The following PRKCQ variants were observed in gnomAD, a reference collection of about 807,000 sequenced individuals.
PRKCQ encodes protein kinase C theta.
Under a neutral mutation model 91.2 loss-of-function variants are expected in PRKCQ, and 41 were observed. The observed-to-expected ratio is 0.45, with a 90% CI of 0.35 to 0.58. The LOEUF (loss-of-function observed/expected upper bound fraction) is 0.58, where lower values mean the gene tolerates loss of function less well. PRKCQ is among the 20% of genes least tolerant of loss of function. The probability of loss-of-function intolerance (pLI) is 0.00; values close to 1 mark genes in which losing one functional copy is unlikely to be tolerated. For synonymous variants in PRKCQ, 307 were observed against 316.9 expected (o/e 0.97, Z 0.33); for missense variants, 673 against 896.5 (o/e 0.75, Z 3.18).
Position 6,511,159 on chromosome 10 carries a change from T to C in PRKCQ, c.154A>G (p.Met52Val), listed in dbSNP as rs1210490127. The C allele has an allele frequency of 1.9e-6, 3 of 1,614,084 alleles. No homozygotes were observed. The highest frequency in any genetic ancestry group is 2.7e-5 in the African/African-American group (2 of 75,022). The change falls in exon 3 of 18, where the codon ATG (methionine) becomes GTG (valine). Residue 52 changes from methionine to valine, a missense_variant. Physicochemically the swap from Met to Val is conservative, Grantham distance 21. Transcript: ENST00000263125. ...AAAGTGCTGTCCCAGGGTGGGTACA[T>C]GGTAGGCTTTTTCTGGATATACATC... ...GQMYIQKKPT[M>V]YPPWDSTFDA...
chr10:6,470,926 CA>C (rs5782901), intron 12 of PRKCQ, among the ~76,000 whole-genome samples: 81,633 of 135,250 alleles, frequency 0.6, 23,228 homozygotes, highest in East Asian at 0.79. Context: ...GAGACTGTCG[CA>C]AAAAAAAAAA....
At chr10:6,486,005 C>T (rs1266394611) in intron 9 of PRKCQ, 30 bp downstream of exon 9, 45 of 1,577,154 alleles carry the variant, frequency 2.9e-5, no homozygotes, top group Non-Finnish European at 3.4e-5. Context: ...GCGGCCATGG[C>T]GGGAACGTGT....
the PRKCQ span, among the ~76,000 whole-genome samples, chr10:6,411,755 A>G: frequency 1.3e-5 from 2 of 152,176 alleles, no homozygotes; most frequent in Non-Finnish European, 2.9e-5. Context: ...CCTGGTACAT[A>G]GTTTACATTA....
chr10:6,539,614 A>T (rs1839705695), intron 1 of PRKCQ, among the ~76,000 whole-genome samples: 1 of 152,096 alleles, frequency 6.6e-6, no homozygotes, highest in Non-Finnish European at 1.5e-5. Context: ...TATATGTTAC[A>T]ATGTAATAAT....
chr10:6,459,437 T>C (rs1835201263), intron 14 of PRKCQ, among the ~76,000 whole-genome samples: 1 of 152,158 alleles, frequency 6.6e-6, no homozygotes, highest in Non-Finnish European at 1.5e-5. Flanking sequence ...AGAGCACACA[T>C]GGTCTGTGAT....
At position 6,523,867 on chromosome 10, in the gene PRKCQ, G is replaced by C. The variant is rs1026960771; in HGVS notation, c.-9-8723C>G. 5.1e-4 allele frequency among the ~76,000 whole-genome samples: 77 copies of C among 152,136 alleles called. 2 individuals are homozygous for C. Among genetic ancestry groups the C allele is most frequent in the Non-Finnish European group, 7.3e-5 (5 of 68,032 alleles). ...TGTTATTTAAAAGCCTCCGTGTATT[G>C]AGTTCAAGTTGCCCCCTTCACACAG... On this transcript the variant is annotated intron_variant, in intron 1 of 17. Coordinates refer to ENST00000263125, the MANE Select transcript of PRKCQ (RefSeq NM_006257.5).
intron 16 of PRKCQ, among the ~76,000 whole-genome samples, chr10:6,436,755 T>C (rs991172560): frequency 3.9e-5 from 6 of 152,234 alleles, no homozygotes; most frequent in Non-Finnish European, 5.9e-5. Context: ...TTTTCATTGC[T>C]GAGTAGGATT....
At chr10:6,533,405 C>T (rs1017317869) in intron 1 of PRKCQ, among the ~76,000 whole-genome samples, 10 of 152,144 alleles carry the variant, frequency 6.6e-5, no homozygotes, top group African/African-American at 2.4e-4. Context: ...CCACGTTGGC[C>T]AGGCTAGTCT....
Position 6,465,789 on chromosome 10 carries a change from G to T in PRKCQ, c.1354-1385C>A, listed in dbSNP as rs1428662892. Among the ~76,000 whole-genome samples the T allele has an allele frequency of 6.6e-6, 1 of 152,234 alleles. No homozygotes were observed. Among genetic ancestry groups the T allele is most frequent in the South Asian group, 2.1e-4 (1 of 4,834 alleles). On this transcript the variant is annotated intron_variant, in intron 12 of 17. Transcript: ENST00000263125. This position sits in a 1 kb window ranked among gnomAD's most constrained non-coding sequence, Gnocchi z 4.4. ...AATTATCTCAATAATCCAGGTCAAGGTAAGCATCCGTCTTTTTTCAATGTT... is the reference window on the plus strand; with the variant it reads ...AATTATCTCAATAATCCAGGTCAAGTTAAGCATCCGTCTTTTTTCAATGTT...
At chr10:6,404,247 AGG>A in the PRKCQ span, among the ~76,000 whole-genome samples, 12 of 57,062 alleles carry the variant, frequency 2.1e-4, no homozygotes, top group African/African-American at 3.2e-4. Context: ...AAGGGAGAGA[AGG>A]GGGGGGGAGA....
intron 1 of PRKCQ, among the ~76,000 whole-genome samples, chr10:6,570,218 G>C (rs1564399241): frequency 6.6e-6 from 1 of 152,092 alleles, no homozygotes; most frequent in Admixed American, 6.6e-5. Flanking sequence ...CATTTCTGAG[G>C]GGTGCAAGAG....
At chr10:6,475,300 A>G (rs1021961953) in intron 12 of PRKCQ, among the ~76,000 whole-genome samples, 5 of 152,172 alleles carry the variant, frequency 3.3e-5, no homozygotes. Context: ...TGTCCTGGGC[A>G]GGGGTAAAGT....
At chr10:6,527,852 T>G (rs1839254706) in intron 1 of PRKCQ, among the ~76,000 whole-genome samples, 1 of 152,190 alleles carries the variant, frequency 6.6e-6, no homozygotes, top group African/African-American at 2.4e-5. Context: ...ATTGCAACCC[T>G]AGGACTGCAA....
At chr10:6,456,864 A>G (rs772163834) in intron 14 of PRKCQ, 52 bp from the exon 15 acceptor site, 20 of 1,598,904 alleles carry the variant, frequency 1.3e-5, no homozygotes, top group Non-Finnish European at 1.6e-5. Context: ...AATTTGGTTA[A>G]CATAAAATTC....
intron 14 of PRKCQ, among the ~76,000 whole-genome samples, chr10:6,461,100 TATCCATCC>T (rs140150098): frequency 0.19 from 27,818 of 149,982 alleles, 2,683 homozygotes; most frequent in Non-Finnish European, 0.22. Context: ...ATCCATCATT[TATCCATCC>T]ATCCATCCAT....
chr10:6,440,020 G>A (rs746219848), intron 16 of PRKCQ, among the ~76,000 whole-genome samples: 2 of 152,112 alleles, frequency 1.3e-5, no homozygotes, highest in East Asian at 1.9e-4. Context: ...TCATGGGGGC[G>A]GTTTCCCCCC....
chr10:6,479,267 G>A, intron 11 of PRKCQ, 102 bp from the exon 12 acceptor site: 1 of 1,379,622 alleles, frequency 7.2e-7, no homozygotes. Context: ...GTGGGAAAAG[G>A]GGTTCCTTCT....
chr10:6,467,597 G>A (rs1301725640), intron 12 of PRKCQ, among the ~76,000 whole-genome samples: 1 of 152,134 alleles, frequency 6.6e-6, no homozygotes, highest in Non-Finnish European at 1.5e-5. Flanking sequence ...TGGGGGATGG[G>A]ACATGCCAAA....
chr10:6,462,864 G>T (rs1222501028), intron 13 of PRKCQ, among the ~76,000 whole-genome samples: 2 of 152,064 alleles, frequency 1.3e-5, no homozygotes, highest in Non-Finnish European at 2.9e-5. Context: ...AATTAGCAGG[G>T]CATGGTGTTG....
Sources: allele counts gnomAD v4.1 joint callset (sites outside exome capture counted in the v4.1 genomes callset), GRCh38; gene constraint gnomAD v4.1.1; non-coding constraint Gnocchi (gnomAD v3.1); transcripts MANE v1.5; gene names NCBI Gene and HGNC (gene_info 2026-07-23, HGNC 2026-07-21).